Variants in SYT1 observed in about 807,000 individuals in gnomAD.
SYT1 encodes the protein synaptotagmin 1.
SYT1 carries 8 observed loss-of-function variants against 44.8 expected under a neutral mutation model. The ratio of observed to expected loss-of-function variants is 0.18; its 90% CI spans 0.10 to 0.32. SYT1 has a LOEUF of 0.32. Among genes scored for constraint, SYT1 ranks in the 10% least tolerant of loss-of-function variants. The probability of loss-of-function intolerance (pLI) is 1.00; values close to 1 mark genes in which losing one functional copy is unlikely to be tolerated. For synonymous variants in SYT1, 154 were observed against 188.8 expected (o/e 0.82, Z 1.51); for missense variants, 286 against 509.3 (o/e 0.56, Z 4.22).
chr12:79,091,686 G>A (rs1877785544), intron 3 of SYT1, among the ~76,000 whole-genome samples: 1 of 151,830 alleles, frequency 6.6e-6, no homozygotes, highest in Non-Finnish European at 1.5e-5. Context: ...AGACATTAGA[G>A]GAAACTAACA....
At chr12:79,419,213 A>C (rs1351237065) in intron 9 of SYT1, 1 of 509,810 alleles carries the variant, frequency 2.0e-6, no homozygotes, top group East Asian at 5.6e-5. Flanking sequence ...TTCCCATCAC[A>C]CAGTTGTTGA....
chr12:79,304,810 T>C (rs1880313300), intron 8 of SYT1, among the ~76,000 whole-genome samples: 5 of 151,986 alleles, frequency 3.3e-5, no homozygotes, highest in Admixed American at 2.0e-4. Context: ...TATAGTTTAG[T>C]AGTATTGAAT....
At chr12:78,971,139 G>C (rs1032225778) in intron 1 of SYT1, among the ~76,000 whole-genome samples, 2 of 152,116 alleles carry the variant, frequency 1.3e-5, no homozygotes, top group Non-Finnish European at 2.9e-5. Context: ...ACTCCAGCCT[G>C]GGCAACAGAG....
intron 8 of SYT1, among the ~76,000 whole-genome samples, chr12:79,352,801 A>G (rs952427774): frequency 2.0e-5 from 3 of 152,202 alleles, no homozygotes; most frequent in Non-Finnish European, 4.4e-5. Context: ...GGCCTAAAGT[A>G]TGGTTATCAG....
chr12:79,130,264 A>G (rs557576531), intron 3 of SYT1, among the ~76,000 whole-genome samples: 4 of 152,332 alleles, frequency 2.6e-5, no homozygotes, highest in South Asian at 2.1e-4. Flanking sequence ...AAACAAATTT[A>G]AAAGTATTAG....
intron 3 of SYT1, among the ~76,000 whole-genome samples, chr12:79,167,661 G>A (rs1291498369): frequency 6.6e-6 from 1 of 151,952 alleles, no homozygotes; most frequent in African/African-American, 2.4e-5. Flanking sequence ...AAATGTCAGG[G>A]ACTGAATATT....
chr12:79,157,135 C>T (rs1870647803), intron 3 of SYT1, among the ~76,000 whole-genome samples: 1 of 152,210 alleles, frequency 6.6e-6, no homozygotes, highest in Non-Finnish European at 1.5e-5. Context: ...CCTGCCACCT[C>T]TGCACCTGCT....
At position 78,921,837 on chromosome 12, in the gene SYT1, A is replaced by G. The variant is rs148340086; in HGVS notation, c.-216-55962A>G. ...AAAATGCTGCAGAGACACGGGTGAG[A>G]GAGACAAAAGATGATGAGGATGAGG... On this transcript the variant is annotated intron_variant, in intron 1 of 10. Transcript: ENST00000261205. Among the ~76,000 whole-genome samples, 226 of 152,082 alleles carry G rather than the reference A, an allele frequency of 1.5e-3. 1 individual carries two copies. Among genetic ancestry groups the G allele is most frequent in the African/African-American group, 5.2e-3 (218 of 41,544 alleles).
intron 2 of SYT1, among the ~76,000 whole-genome samples, chr12:79,040,543 G>A (rs1237295780): frequency 1.3e-5 from 2 of 152,082 alleles, no homozygotes; most frequent in Non-Finnish European, 2.9e-5. Flanking sequence ...AGATGAGCAG[G>A]TTGCAAAAAT....
chr12:79,030,945 T>C (rs1872791465), intron 2 of SYT1, among the ~76,000 whole-genome samples: 1 of 151,020 alleles, frequency 6.6e-6, no homozygotes, highest in Non-Finnish European at 1.5e-5. Flanking sequence ...AGTAGAGTTA[T>C]AGTATTCTCC....
chr12:79,228,455 A>G (rs1875659035), intron 4 of SYT1, among the ~76,000 whole-genome samples: 1 of 152,126 alleles, frequency 6.6e-6, no homozygotes, highest in Non-Finnish European at 1.5e-5. Flanking sequence ...CTGCATTATT[A>G]TCACTATTGG....
At chr12:79,197,924 G>A (rs1873560569) in intron 3 of SYT1, among the ~76,000 whole-genome samples, 1 of 152,002 alleles carries the variant, frequency 6.6e-6, no homozygotes, top group African/African-American at 2.4e-5. Flanking sequence ...AACTAAGACA[G>A]CTAAGAAACA....
At chr12:79,084,865 C>A (rs1877275566) in intron 3 of SYT1, among the ~76,000 whole-genome samples, 1 of 151,846 alleles carries the variant, frequency 6.6e-6, no homozygotes, top group African/African-American at 2.4e-5. Flanking sequence ...GGTTGAGTAT[C>A]CTGTAGCCAA....
intron 3 of SYT1, among the ~76,000 whole-genome samples, chr12:79,111,332 C>A (rs1428924827): frequency 6.6e-6 from 1 of 151,910 alleles, no homozygotes; most frequent in Non-Finnish European, 1.5e-5. Flanking sequence ...CCTTACGTAG[C>A]CTTTCAAATA....
At chr12:79,100,691 T>C (rs1878397390) in intron 3 of SYT1, among the ~76,000 whole-genome samples, 1 of 152,200 alleles carries the variant, frequency 6.6e-6, no homozygotes, top group African/African-American at 2.4e-5. Context: ...ATTGCTCTTA[T>C]AGTCAGAAAA....
intron 3 of SYT1, among the ~76,000 whole-genome samples, chr12:79,206,881 C>T (rs1874160565): frequency 6.6e-6 from 1 of 152,212 alleles, no homozygotes; most frequent in Non-Finnish European, 1.5e-5. Context: ...ACCAGGCCAA[C>T]AGAAGTGGAG....
At chr12:78,885,906 T>C (rs1874722918) in intron 1 of SYT1, among the ~76,000 whole-genome samples, 1 of 152,040 alleles carries the variant, frequency 6.6e-6, no homozygotes, top group African/African-American at 2.4e-5. Flanking sequence ...TGTTGGCCTA[T>C]GATGGAAGCA....
intron 1 of SYT1, among the ~76,000 whole-genome samples, chr12:78,881,959 T>C (rs1874480708): frequency 7.6e-6 from 1 of 130,888 alleles, no homozygotes. Context: ...TCTCCCATTA[T>C]ATTTCCCATA....
At chr12:79,012,750 G>A (rs1871500506) in intron 2 of SYT1, among the ~76,000 whole-genome samples, 1 of 152,144 alleles carries the variant, frequency 6.6e-6, no homozygotes. Context: ...AAACAGGAGA[G>A]TGCACCCTGT....
Sources: gnomAD v4.1 joint callset for allele counts (sites outside exome capture counted in the v4.1 genomes callset) on GRCh38, gnomAD v4.1.1 for gene constraint, MANE v1.5 for transcripts, NCBI Gene and HGNC (gene_info 2026-07-23, HGNC 2026-07-21) for gene names.